PROS1: variants seen among roughly 807,000 people sequenced by gnomAD.
PROS1 encodes the protein protein S.
In PROS1, 29 loss-of-function variants were observed where a neutral mutation model predicts 75.9. The ratio of observed to expected loss-of-function variants is 0.38; its 90% CI spans 0.28 to 0.52. The LOEUF (loss-of-function observed/expected upper bound fraction) is 0.52, where lower values mean the gene tolerates loss of function less well. PROS1 is among the 20% of genes least tolerant of loss of function. The probability of loss-of-function intolerance (pLI) is 0.83; values close to 1 mark genes in which losing one functional copy is unlikely to be tolerated. For missense variants in PROS1, 680 were observed against 810.3 expected (o/e 0.84, Z 1.95); for synonymous variants, 245 against 280.6 (o/e 0.87, Z 1.27).
At position 93,873,997 on chromosome 3, in the gene PROS1, G is replaced by GA. The variant is rs1166753444; in HGVS notation, c.*247dup. The GA allele has an allele frequency of 7.4e-6, 3 of 407,200 alleles. No individual in the cohort carries two copies. Among genetic ancestry groups the GA allele is most frequent in the Admixed American group, 4.2e-5 (1 of 23,922 alleles). 25.2% of individuals were successfully genotyped at this position (407,200 alleles called of 1,614,324 possible). On this transcript the variant is annotated 3_prime_UTR_variant, in exon 15 of 15. Coordinates refer to ENST00000394236, the MANE Select transcript of PROS1 (RefSeq NM_000313.4). ...CAAAAATTGAAACTGTCATTTGTAG[G>GA]AAAAAAATTCAAATTTAAAATTGTT...
intron 1 of PROS1, among the ~76,000 whole-genome samples, chr3:93,927,796 G>A (rs1395576988): frequency 4.7e-5 from 7 of 147,520 alleles, no homozygotes; most frequent in Non-Finnish European, 8.9e-5. Context: ...GAACCCAGGT[G>A]GTTCAAACCC....
intron 1 of PROS1, among the ~76,000 whole-genome samples, chr3:93,931,031 G>T (rs1326993201): frequency 6.6e-6 from 1 of 152,156 alleles, no homozygotes; most frequent in African/African-American, 2.4e-5. Context: ...ACTAAATTTG[G>T]ATTTCATCTA....
At chr3:93,952,310 T>C (rs531186564) in intron 1 of PROS1, among the ~76,000 whole-genome samples, 2 of 152,256 alleles carry the variant, frequency 1.3e-5, no homozygotes, top group South Asian at 2.1e-4. Flanking sequence ...TATTCCAAAA[T>C]TGACCACATA....
intron 12 of PROS1, among the ~76,000 whole-genome samples, chr3:93,880,231 T>C (rs1434643632): frequency 2.0e-5 from 3 of 151,996 alleles, no homozygotes; most frequent in African/African-American, 7.3e-5. Flanking sequence ...AAAAAATATA[T>C]AGACCGGGTA....
rs1576186887 is a variant in PROS1 at position 93,905,763 on chromosome 3, A to G, written c.601+21T>C. ...ATTCTCACATAGTAAATGTGTTTTA[A>G]TTCTACCATCCTGCTCTTACCTTTA... On this transcript the variant is annotated intron_variant, in intron 6 of 14. Coordinates refer to ENST00000394236, the MANE Select transcript of PROS1 (RefSeq NM_000313.4). 1.9e-6 allele frequency: 3 copies of G among 1,608,282 alleles called. No individual in the cohort carries two copies. In the African/African-American group the frequency reaches 4.0e-5, roughly 22 times the overall value.
chr3:93,896,542 C>A (rs761742523), intron 9 of PROS1, 34 bp downstream of exon 9: 3 of 1,494,972 alleles, frequency 2.0e-6, no homozygotes, highest in East Asian at 4.5e-5. Flanking sequence ...ATCTGCTTAA[C>A]CTCTAGAAAT....
chr3:93,970,192 T>C (rs1226693223), intron 1 of PROS1, among the ~76,000 whole-genome samples: 1 of 152,100 alleles, frequency 6.6e-6, no homozygotes, highest in Non-Finnish European at 1.5e-5. Flanking sequence ...TATGAGTCAG[T>C]AGTGTCTAGA....
At chr3:93,926,436 T>C (rs373105866) in intron 2 of PROS1, among the ~76,000 whole-genome samples, 4 of 151,934 alleles carry the variant, frequency 2.6e-5, no homozygotes, top group African/African-American at 9.7e-5. Context: ...GTTTGAGACT[T>C]GCCTGGCCAA....
intron 1 of PROS1, among the ~76,000 whole-genome samples, chr3:93,967,627 T>C (rs891635174): frequency 1.3e-5 from 2 of 152,220 alleles, no homozygotes; most frequent in Non-Finnish European, 2.9e-5. Flanking sequence ...GGCTCACACC[T>C]GTAATCCCAG....
At chr3:93,919,664 A>T (rs1183997527) in intron 3 of PROS1, among the ~76,000 whole-genome samples, 1 of 152,042 alleles carries the variant, frequency 6.6e-6, no homozygotes, top group Non-Finnish European at 1.5e-5. Context: ...ATTTTCCCCC[A>T]TGTCATCAGT....
At chr3:93,968,726 G>A (rs1709825747) in intron 1 of PROS1, among the ~76,000 whole-genome samples, 1 of 150,798 alleles carries the variant, frequency 6.6e-6, no homozygotes, top group East Asian at 1.9e-4. Context: ...TTTACCTGCT[G>A]AAAAAAAATA....
At chr3:93,880,351 A>T (rs892592653) in intron 12 of PROS1, among the ~76,000 whole-genome samples, 18 of 152,034 alleles carry the variant, frequency 1.2e-4, no homozygotes, top group African/African-American at 4.4e-4. Flanking sequence ...AAATACAAAA[A>T]ATTAGCCGAG....
chr3:93,952,231 A>G (rs1293235112), intron 1 of PROS1, among the ~76,000 whole-genome samples: 1 of 152,230 alleles, frequency 6.6e-6, no homozygotes, highest in Admixed American at 6.6e-5. Flanking sequence ...AGAGGACCTA[A>G]TAGACATCCA....
At chr3:93,912,096 G>A (rs531815997) in intron 3 of PROS1, among the ~76,000 whole-genome samples, 18 of 152,114 alleles carry the variant, frequency 1.2e-4, no homozygotes, top group Middle Eastern at 3.4e-3. Flanking sequence ...TTACAGTGCC[G>A]AGAGTCCAAA....
chr3:93,919,874 A>G (rs1708919045), intron 3 of PROS1, among the ~76,000 whole-genome samples: 1 of 152,132 alleles, frequency 6.6e-6, no homozygotes, highest in African/African-American at 2.4e-5. Flanking sequence ...TTTATCAAAT[A>G]TTAGGTTGTC....
At position 93,922,232 on chromosome 3, in the gene PROS1, C is replaced by CT. The variant is rs547995502; in HGVS notation, c.259+2007dup. Among the ~76,000 whole-genome samples the CT allele has an allele frequency of 1.1e-3, 167 of 152,120 alleles. 3 individuals carry two copies. In the South Asian group the frequency reaches 0.031, roughly 29 times the overall value. ...TTATCTTAGAAACTAAAAATAATTT[C>CT]TTTTTTTTATTTTTCAGGTTTTTTC... On this transcript the variant is annotated intron_variant, in intron 3 of 14. Transcript: ENST00000394236.
chr3:93,973,605 T>C lies in PROS1; in HGVS notation c.76+69A>G, dbSNP rs1002280471. 3.9e-6 allele frequency: 6 copies of C among 1,536,002 alleles called. No homozygotes were observed. In the African/African-American group the frequency reaches 8.2e-5, roughly 21 times the overall value. On this transcript the variant is annotated intron_variant, in intron 1 of 14. Transcript: ENST00000394236. ...GCTGCAGCTCTAGAGAAGAAAATCC[T>C]ACCAACCAGGGCACGCAGTTCAGTC... is the stretch of plus-strand genomic sequence containing the variant.
chr3:93,919,242 C>G (rs1413454279), intron 3 of PROS1, among the ~76,000 whole-genome samples: 1 of 152,146 alleles, frequency 6.6e-6, no homozygotes, highest in Non-Finnish European at 1.5e-5. Flanking sequence ...TAATGGCTCT[C>G]AGAGGTGCAT....
intron 1 of PROS1, among the ~76,000 whole-genome samples, chr3:93,967,298 C>T (rs1162528473): frequency 1.3e-5 from 2 of 152,182 alleles, no homozygotes; most frequent in Non-Finnish European, 2.9e-5. Flanking sequence ...TAGGTAGAGA[C>T]ACTTATTGGG....
Sources: allele counts gnomAD v4.1 joint callset (sites outside exome capture counted in the v4.1 genomes callset), GRCh38; gene constraint gnomAD v4.1.1; transcripts MANE v1.5; gene names NCBI Gene and HGNC (gene_info 2026-07-23, HGNC 2026-07-21).